The following HADH variants were observed in gnomAD, a reference collection of about 807,000 sequenced individuals.
HADH encodes hydroxyacyl-CoA dehydrogenase.
Under a neutral mutation model 32.2 loss-of-function variants are expected in HADH, and 24 were observed. The ratio of observed to expected loss-of-function variants is 0.75; its 90% confidence interval spans 0.54 to 1.05. The LOEUF is 1.05. Ranked by LOEUF, HADH falls within the 50% of genes least tolerant of loss-of-function variation. The pLI is 0.00. For synonymous variants in HADH, 139 were observed against 152.5 expected, an observed-to-expected ratio of 0.91 and a Z score of 0.65; for missense variants, 350 against 397.1, an observed-to-expected ratio of 0.88 and a Z score of 1.01.
At chr4:108,010,824 T>C (rs915995529) in intron 2 of HADH, among the ~76,000 whole-genome samples, 1 of 152,052 alleles carries the variant, frequency 6.6e-6, no homozygotes, top group African/African-American at 2.4e-5. Context: ...TTCATCTATG[T>C]TGTAACATGT....
At chr4:108,008,886 A>G (rs1344168130) in intron 1 of HADH, among the ~76,000 whole-genome samples, 3 of 152,096 alleles carry the variant, frequency 2.0e-5, no homozygotes, top group Admixed American at 6.6e-5. Flanking sequence ...TAGCCACAAT[A>G]CCTATTCCAT....
intron 4 of HADH, among the ~76,000 whole-genome samples, chr4:108,023,016 C>T (rs1427492260): frequency 1.4e-5 from 2 of 142,234 alleles, no homozygotes; most frequent in Non-Finnish European, 1.5e-5. Context: ...TTTTTTGAGA[C>T]GGTGTCTTGC....
At chr4:108,007,309 G>A (rs553711892) in intron 1 of HADH, among the ~76,000 whole-genome samples, 2 of 152,126 alleles carry the variant, frequency 1.3e-5, no homozygotes, top group African/African-American at 2.4e-5. Context: ...GGGTTTCACC[G>A]TGTTAGCCAG....
At chr4:108,014,710 G>T in intron 3 of HADH, 122 bp downstream of exon 3, 1 of 829,856 alleles carries the variant, frequency 1.2e-6, no homozygotes, top group Non-Finnish European at 1.9e-6. Flanking sequence ...TGCCTATATT[G>T]TGTAGTGGTG....
At chr4:108,018,888 AT>A (rs143353144) in intron 3 of HADH, among the ~76,000 whole-genome samples, 2 of 151,932 alleles carry the variant, frequency 1.3e-5, no homozygotes, top group East Asian at 1.9e-4. Context: ...GTCAGTATGG[AT>A]TTTTTTTAAT....
In HADH at chr4:108,023,627, G is replaced by A. The variant is rs1056882250; in HGVS notation, c.636+64G>A. The stretch of plus-strand genomic sequence containing the variant: ...TCTTCTTGGACCCTGACTTGTTCCT[G>A]GTAGAATTCTTCTCATAGAATGATG... On this transcript the variant is annotated intron_variant, in intron 5 of 7. Transcript: ENST00000309522. 6.5e-6 allele frequency: 6 copies of A among 922,914 alleles called. No homozygotes were observed. The African/African-American group carries it at 8.1e-5, about 12-fold the overall frequency. The allele number at this position is 922,914 out of a possible 1,614,324, so 57.2% of individuals were successfully genotyped here.
At chr4:107,998,306 GTC>G (rs767713774) in intron 1 of HADH, among the ~76,000 whole-genome samples, 2 of 152,160 alleles carry the variant, frequency 1.3e-5, no homozygotes, top group Non-Finnish European at 2.9e-5. Context: ...TTGAGACAGA[GTC>G]TCTCTCTATC....
At chr4:108,033,150 AC>A (rs1458784392) in intron 6 of HADH, 25 bp from the exon 7 acceptor site, 12 of 1,071,694 alleles carry the variant, frequency 1.1e-5, no homozygotes, top group Non-Finnish European at 1.8e-5. Context: ...GGTGGTGGTG[AC>A]CCAGTGCTGC....
At chr4:108,028,654 C>T (rs1736145147) in intron 6 of HADH, 2 of 389,392 alleles carry the variant, frequency 5.1e-6, no homozygotes, top group Non-Finnish European at 9.0e-6. Flanking sequence ...CAAGATCAAA[C>T]CAACAGTTCT....
At chr4:108,009,984 T>C (rs1735432796) in intron 2 of HADH, 97 bp downstream of exon 2, 6 of 907,060 alleles carry the variant, frequency 6.6e-6, no homozygotes, top group East Asian at 2.5e-5. Context: ...TTTCTTTTTT[T>C]TTTTTTTTTT....
At chr4:108,034,140 C>T (rs1736373927) in intron 7 of HADH, 99 bp from the exon 8 acceptor site, 1 of 853,534 alleles carries the variant, frequency 1.2e-6, no homozygotes, top group East Asian at 2.5e-5. Flanking sequence ...GGGGGCTCTC[C>T]CACATCAGAG....
intron 4 of HADH, among the ~76,000 whole-genome samples, chr4:108,021,317 G>C (rs557445810): frequency 1.3e-5 from 2 of 152,208 alleles, no homozygotes; most frequent in African/African-American, 4.8e-5. Context: ...GTATGCTTTT[G>C]TCTTTGGAAA....
chr4:108,001,934 G>T (rs1471356820), intron 1 of HADH, among the ~76,000 whole-genome samples: 1 of 152,236 alleles, frequency 6.6e-6, no homozygotes, highest in Non-Finnish European at 1.5e-5. Flanking sequence ...TGCAGCAGTG[G>T]TGGTGGAAGA....
At chr4:108,002,784 G>A (rs1332298904) in intron 1 of HADH, among the ~76,000 whole-genome samples, 1 of 152,164 alleles carries the variant, frequency 6.6e-6, no homozygotes, top group Non-Finnish European at 1.5e-5. Flanking sequence ...ACATTACCCA[G>A]TCTTTGGTAT....
intron 4 of HADH, among the ~76,000 whole-genome samples, chr4:108,020,600 A>C (rs1440056195): frequency 1.3e-5 from 2 of 152,194 alleles, no homozygotes; most frequent in African/African-American, 2.4e-5. Context: ...GAATGCTTGG[A>C]GACTCCAATA....
At chr4:107,992,331 A>G (rs1473752993) in intron 1 of HADH, among the ~76,000 whole-genome samples, 2 of 152,230 alleles carry the variant, frequency 1.3e-5, no homozygotes, top group Non-Finnish European at 2.9e-5. Context: ...CAGTTTGGAA[A>G]AACCTCAGTT....
chr4:108,009,321 G>GA (rs2126226053), intron 1 of HADH, among the ~76,000 whole-genome samples: 1 of 152,334 alleles, frequency 6.6e-6, no homozygotes, highest in South Asian at 2.1e-4. Context: ...AATATGGCTA[G>GA]TGCCACTGAG....
intron 2 of HADH, among the ~76,000 whole-genome samples, chr4:108,010,912 C>T (rs1735469405): frequency 2.0e-5 from 3 of 148,754 alleles, no homozygotes; most frequent in African/African-American, 7.5e-5. Context: ...AGTGCAGTGG[C>T]ACAATCTCAG....
chr4:107,993,564 A>G (rs1320360100), intron 1 of HADH, among the ~76,000 whole-genome samples: 1 of 152,208 alleles, frequency 6.6e-6, no homozygotes, highest in Admixed American at 6.5e-5. Context: ...GAAGGATGAA[A>G]AAATATTTAA....
Sources: gnomAD v4.1 joint callset for allele counts (sites outside exome capture counted in the v4.1 genomes callset) on GRCh38, gnomAD v4.1.1 for gene constraint, MANE v1.5 for transcripts, NCBI Gene and HGNC (gene_info 2026-07-23, HGNC 2026-07-21) for gene names.